COG5: variants seen among roughly 807,000 people sequenced by gnomAD.
COG5 encodes component of oligomeric golgi complex 5.
In COG5, 86 loss-of-function variants were observed where a neutral mutation model predicts 110.4. The observed-to-expected ratio is 0.78, with a 90% CI of 0.65 to 0.93. COG5 has a LOEUF of 0.93. Among genes scored for constraint, COG5 ranks in the 40% least tolerant of loss-of-function variants. The pLI, the probability that COG5 is intolerant of heterozygous loss-of-function variation, is 0.00. For missense variants in COG5, 1,077 were observed against 987.0 expected (o/e 1.09, Z -1.22); for synonymous variants, 360 against 334.6 (o/e 1.08, Z -0.83).
chr7:107,220,811 CCTT>C (rs959706099), intron 19 of COG5, among the ~76,000 whole-genome samples: 4 of 149,992 alleles, frequency 2.7e-5, no homozygotes, highest in Admixed American at 6.6e-5. Flanking sequence ...GGGACTCATG[CCTT>C]CTTTTTTTTT....
chr7:107,343,882 T>C (rs80281484), intron 10 of COG5, among the ~76,000 whole-genome samples: 1 of 152,072 alleles, frequency 6.6e-6, no homozygotes, highest in Admixed American at 6.6e-5. Flanking sequence ...TTTTTTTTTT[T>C]TCTGAGCAGG....
In COG5 at chr7:107,314,403, T is replaced by C. The variant is rs184599845; in HGVS notation, c.1108+10037A>G. Among the ~76,000 whole-genome samples the C allele has an allele frequency of 2.7e-4, 41 of 152,194 alleles. No individual in the cohort carries two copies. In the East Asian group the frequency reaches 4.8e-3, roughly 18 times the overall value. On this transcript the variant is annotated intron_variant, in intron 11 of 21. Coordinates refer to ENST00000297135, the MANE Select transcript of COG5 (RefSeq NM_006348.5). Reference sequence around the variant, plus strand: ...AGGTGTGAAATTATGATATGTACACTTTTTCTTAATGAGTATTATAGCTTA... The same window carrying C: ...AGGTGTGAAATTATGATATGTACACCTTTTCTTAATGAGTATTATAGCTTA...
intron 5 of COG5, among the ~76,000 whole-genome samples, chr7:107,543,365 G>C (rs1369883044): frequency 6.6e-6 from 1 of 152,168 alleles, no homozygotes; most frequent in African/African-American, 2.4e-5. Flanking sequence ...TTGAGCACTG[G>C]ACTTTGCCTC....
chr7:107,400,803 T>G (rs1791368532), intron 7 of COG5, among the ~76,000 whole-genome samples: 1 of 152,108 alleles, frequency 6.6e-6, no homozygotes, highest in Non-Finnish European at 1.5e-5. Context: ...ACAAGAGAAT[T>G]TGTCAAAGAA....
At chr7:107,243,522 A>AC (rs1449758128) in intron 17 of COG5, among the ~76,000 whole-genome samples, 1 of 151,740 alleles carries the variant, frequency 6.6e-6, no homozygotes, top group African/African-American at 2.4e-5. Flanking sequence ...AAAAAAAAAA[A>AC]AAAAAAAAAA....
chr7:107,526,355 A>C (rs932653035), intron 6 of COG5, among the ~76,000 whole-genome samples: 1 of 152,234 alleles, frequency 6.6e-6, no homozygotes, highest in African/African-American at 2.4e-5. Context: ...CTAGCTATTC[A>C]AAATTTTGCC....
At chr7:107,236,338 C>G (rs1801189094) in intron 18 of COG5, 112 bp downstream of exon 18, 2 of 816,504 alleles carry the variant, frequency 2.4e-6, no homozygotes, top group Non-Finnish European at 4.2e-6. Flanking sequence ...AGTGGGCTTA[C>G]TTTTCTTTGT....
intron 1 of COG5, among the ~76,000 whole-genome samples, chr7:107,560,209 A>G (rs532252943): frequency 1.3e-5 from 2 of 152,332 alleles, no homozygotes; most frequent in Admixed American, 1.3e-4. Context: ...CATGGTAATC[A>G]GCAAACACTA....
At chr7:107,517,473 T>C (rs1800008076) in intron 6 of COG5, among the ~76,000 whole-genome samples, 1 of 152,020 alleles carries the variant, frequency 6.6e-6, no homozygotes, top group Non-Finnish European at 1.5e-5. Context: ...AGGCCAACAT[T>C]CAAATTCAGG....
chr7:107,337,104 C>T (rs1810768616), intron 10 of COG5, among the ~76,000 whole-genome samples: 4 of 151,834 alleles, frequency 2.6e-5, no homozygotes, highest in Admixed American at 2.0e-4. Context: ...CGAGATATGA[C>T]CTTACCCCAG....
At chr7:107,476,184 T>TA (rs34741713) in intron 6 of COG5, among the ~76,000 whole-genome samples, 929 of 43,992 alleles carry the variant, frequency 0.021, 11 homozygotes, top group South Asian at 0.07. Context: ...GCAATGATTT[T>TA]AAAAAAAAAA....
intron 6 of COG5, among the ~76,000 whole-genome samples, chr7:107,488,067 A>G (rs1797756785): frequency 6.6e-6 from 1 of 152,070 alleles, no homozygotes; most frequent in Non-Finnish European, 1.5e-5. Context: ...TATTTATAAG[A>G]AACATTGTTT....
chr7:107,397,249 C>T (rs1791082947), intron 7 of COG5, among the ~76,000 whole-genome samples: 1 of 152,146 alleles, frequency 6.6e-6, no homozygotes, highest in Admixed American at 6.6e-5. Context: ...CTGGCTCTGC[C>T]CCACCTCTGT....
intron 6 of COG5, among the ~76,000 whole-genome samples, chr7:107,490,207 C>T (rs886174787): frequency 2.0e-5 from 3 of 152,076 alleles, no homozygotes; most frequent in African/African-American, 7.2e-5. Context: ...CATCCCGCTC[C>T]TCCTCCAAGA....
chr7:107,451,283 G>C (rs796779061), intron 6 of COG5, among the ~76,000 whole-genome samples: 13 of 152,292 alleles, frequency 8.5e-5, no homozygotes, highest in African/African-American at 3.1e-4. Context: ...GGTTTCAGGA[G>C]TGTTTCCAAA....
chr7:107,469,931 C>T (rs1303301523), intron 6 of COG5: 3 of 152,060 alleles, frequency 2.0e-5, no homozygotes, highest in Non-Finnish European at 4.4e-5. Context: ...TTATATAAAA[C>T]AGTGGGGAGC....
chr7:107,229,951 A>G (rs1387316595), intron 19 of COG5, among the ~76,000 whole-genome samples: 2 of 150,990 alleles, frequency 1.3e-5, no homozygotes, highest in African/African-American at 2.4e-5. Flanking sequence ...CCCTGGTTCA[A>G]GCGATTCTCC....
chr7:107,357,681 T>G (rs1280223988), intron 10 of COG5, among the ~76,000 whole-genome samples: 1 of 152,130 alleles, frequency 6.6e-6, no homozygotes, highest in Non-Finnish European at 1.5e-5. Flanking sequence ...TTCTCTCTCT[T>G]TCTTCCTGAA....
At chr7:107,343,528 A>C (rs982549814) in intron 10 of COG5, among the ~76,000 whole-genome samples, 1 of 152,032 alleles carries the variant, frequency 6.6e-6, no homozygotes, top group African/African-American at 2.4e-5. Flanking sequence ...AAAAAATACA[A>C]AAATTAGTCA....
Sources: gnomAD v4.1 joint callset for allele counts (sites outside exome capture counted in the v4.1 genomes callset) on GRCh38, gnomAD v4.1.1 for gene constraint, MANE v1.5 for transcripts, NCBI Gene and HGNC (gene_info 2026-07-23, HGNC 2026-07-21) for gene names.